GCM1: variants seen among roughly 807,000 people sequenced by gnomAD.
GCM1 encodes the protein chorion-specific transcription factor GCMa.
In GCM1, 2 loss-of-function variants were observed where a neutral mutation model predicts 25.7. The observed-to-expected ratio is 0.08, with a 90% CI of 0.03 to 0.24. The LOEUF (loss-of-function observed/expected upper bound fraction) is 0.24. Among genes scored for constraint, GCM1 ranks in the 10% least tolerant of loss-of-function variants. The pLI is 1.00. For synonymous variants in GCM1, 183 were observed against 195.7 expected, an observed-to-expected ratio of 0.94 and a Z score of 0.54; for missense variants, 395 against 538.7, an observed-to-expected ratio of 0.73 and a Z score of 2.64.
chr6:53,138,278 CAA>C (rs566559211), intron 2 of GCM1, among the ~76,000 whole-genome samples: 1,102 of 89,196 alleles, frequency 0.012, 9 homozygotes, highest in Middle Eastern at 0.02. Flanking sequence ...TGCTTTGTCT[CAA>C]AAAAAAAAAA....
Position 53,145,675 on chromosome 6 carries a change from C to T in GCM1, c.-43G>A, listed in dbSNP as rs1272753542. On this transcript the variant is annotated 5_prime_UTR_variant, in exon 2 of 6. Transcript: ENST00000259803. The stretch of plus-strand genomic sequence containing the variant: ...CAAGGTTTTCACCTATTCGACTCCC[C>T]TCAGAAATGCTTGAGAATTTTGTTC... 9.3e-7 allele frequency: 1 copy of T among 1,071,668 alleles called. No homozygotes were observed. The highest frequency in any genetic ancestry group is 1.4e-6 in the Non-Finnish European group (1 of 691,262). 66.4% of individuals were successfully genotyped at this position (1,071,668 alleles called of 1,614,324 possible).
rs931853510 is a variant in GCM1, at chr6:53,127,307, T to G, written c.*899A>C. ...TTAACATTGCTGTTCTTTGTCTTTATGAAAAATGGGGTTAGGTCAGGTTCC... is the reference window on the plus strand; with the variant it reads ...TTAACATTGCTGTTCTTTGTCTTTAGGAAAAATGGGGTTAGGTCAGGTTCC... On this transcript the variant is annotated 3_prime_UTR_variant, in exon 6 of 6. Transcript: ENST00000259803. 1.3e-4 allele frequency: 20 copies of G among 152,318 alleles called. No individual in the cohort carries two copies. Among genetic ancestry groups the G allele is most frequent in the African/African-American group, 4.1e-4 (17 of 41,570 alleles). 9.4% of individuals were successfully genotyped at this position (152,318 alleles called of 1,614,324 possible).
chr6:53,130,731 A>G, intron 5 of GCM1, 72 bp downstream of exon 5: 1 of 1,342,118 alleles, frequency 7.5e-7, no homozygotes, highest in Non-Finnish European at 1.0e-6. Context: ...CAAGGGACCC[A>G]GGAAATCTAC....
intron 2 of GCM1, among the ~76,000 whole-genome samples, chr6:53,134,876 T>C (rs1335011191): frequency 1.3e-5 from 2 of 152,188 alleles, no homozygotes; most frequent in Non-Finnish European, 2.9e-5. Flanking sequence ...TCTGTGGTTA[T>C]CTTACTGGGA....
chr6:53,139,863 A>AAAAT (rs747849815), intron 2 of GCM1, among the ~76,000 whole-genome samples: 8 of 152,116 alleles, frequency 5.3e-5, no homozygotes, highest in Non-Finnish European at 1.2e-4. Context: ...TCCGTCTAAA[A>AAAAT]AAATAAATAA....
intron 2 of GCM1, among the ~76,000 whole-genome samples, chr6:53,134,858 C>T (rs1355630347): frequency 1.3e-5 from 2 of 152,136 alleles, no homozygotes; most frequent in Admixed American, 6.6e-5. Flanking sequence ...GATAATGTCT[C>T]GTACCACTCT....
chr6:53,132,550 A>G (rs924373012), intron 3 of GCM1, among the ~76,000 whole-genome samples: 1 of 152,150 alleles, frequency 6.6e-6, no homozygotes, highest in Non-Finnish European at 1.5e-5. Flanking sequence ...CATCTCTACT[A>G]AAAATACAAA....
rs1325320656 is a variant in GCM1 at position 53,134,199 on chromosome 6, G to A, written c.201C>T (p.His67=). ...AGGACTTCTTGAGGATGCGGGAGTT[G>A]TGGTTGTTGGTATTGCGCATGGCCC... ...SSWAMRNTNN[H]NSRILKKSCL... The change falls in exon 3 of 6, where the codon CAC becomes CAT. Residue 67 remains histidine, a synonymous_variant. Coordinates refer to ENST00000259803, the MANE Select transcript of GCM1 (RefSeq NM_003643.4). 2 of 1,614,072 alleles carry A rather than the reference G, an allele frequency of 1.2e-6. No individual in the cohort carries two copies. Among genetic ancestry groups the A allele is most frequent in the South Asian group, 1.1e-5 (1 of 91,076 alleles).
At chr6:53,144,996 A>G (rs1415024482) in intron 2 of GCM1, among the ~76,000 whole-genome samples, 2 of 144,922 alleles carry the variant, frequency 1.4e-5, no homozygotes, top group East Asian at 2.1e-4. Flanking sequence ...GAGAGAGAGA[A>G]AGAAAGAAAA....
rs750477279 is a variant in GCM1 at position 53,134,310 on chromosome 6, G to A, written c.90C>T (p.Thr30=). 20 of 1,613,626 alleles carry A rather than the reference G, an allele frequency of 1.2e-5. No individual in the cohort carries two copies. Among genetic ancestry groups the A allele is most frequent in the Middle Eastern group, 1.7e-4 (1 of 6,060 alleles). ...DVKLPQNVKK[T]DWFQEWPDSY... ...AATCTGGCCACTCCTGGAACCAGTC[G>A]GTTTTTTTCACGTTCTGATAGAAAC... Residue 30 remains threonine, a synonymous_variant, in exon 3 of 6, where the codon ACC becomes ACT. Coordinates refer to ENST00000259803, the MANE Select transcript of GCM1 (RefSeq NM_003643.4).
chr6:53,132,278 C>T (rs749340624), intron 3 of GCM1, among the ~76,000 whole-genome samples, 159 bp from the exon 4 acceptor site: 3 of 152,202 alleles, frequency 2.0e-5, no homozygotes, highest in Admixed American at 6.5e-5. Flanking sequence ...ACCCCTGACC[C>T]TCAGAAGCCT....
Position 53,128,229 on chromosome 6 carries a change from G to C in GCM1, c.1288C>G (p.Leu430Val). Reference protein sequence around the residue: ...GLDHCNNDMLLNLCPLR With the variant: ...GLDHCNNDMLVNLCPLR ...GGTCATCTCAAAGGACACAGGTTCA[G>C]AAGCATATCATTGTTGCAGTGATCC... The change falls in exon 6 of 6, where the codon CTG (leucine) becomes GTG (valine). Residue 430 changes from leucine to valine, a missense_variant. This residue lies in a region of GCM1 where 291 missense variants were observed against 314.6 expected (regional missense o/e 0.92). Transcript: ENST00000259803. 6.2e-7 allele frequency: 1 copy of C among 1,609,172 alleles called. No individual in the cohort carries two copies. Among genetic ancestry groups the C allele is most frequent in the Middle Eastern group, 1.7e-4 (1 of 6,056 alleles).
At chr6:53,142,406 A>G (rs191327619) in intron 2 of GCM1, among the ~76,000 whole-genome samples, 61 of 152,364 alleles carry the variant, frequency 4.0e-4, no homozygotes, top group African/African-American at 1.4e-3. Context: ...AGAGCCACCA[A>G]TGCACAGGAT....
intron 4 of GCM1, among the ~76,000 whole-genome samples, chr6:53,131,366 C>G (rs1453150038): frequency 6.6e-6 from 1 of 152,188 alleles, no homozygotes; most frequent in African/African-American, 2.4e-5. Context: ...CTACCTGGAG[C>G]TGGCCAAAGC....
intron 5 of GCM1, 70 bp downstream of exon 5, chr6:53,130,733 G>C: frequency 7.3e-7 from 1 of 1,365,946 alleles, no homozygotes. Flanking sequence ...AGGGACCCAG[G>C]AAATCTACCG....
In GCM1 at chr6:53,128,690, C is replaced by G. The variant is rs373759594; in HGVS notation, c.827G>C (p.Ser276Thr). ...GGCAGAAGGAGGAAGCAGGTCTCCA[C>G]TACTGTAGGTTCTGCTACTGGACAA... Reference protein sequence around the residue: ...RKLSSSRTYSSGDLLPPSASG... With the variant: ...RKLSSSRTYSTGDLLPPSASG... The change falls in exon 6 of 6, where the codon AGT (serine) becomes ACT (threonine). Residue 276 changes from serine (S) to threonine (T), a missense_variant. Ser to Thr is a moderately conservative substitution (Grantham distance 58). Coordinates refer to ENST00000259803, the MANE Select transcript of GCM1 (RefSeq NM_003643.4). 7.9e-5 allele frequency: 128 copies of G among 1,613,994 alleles called. No homozygotes were observed. The highest frequency in any genetic ancestry group is 5.8e-4 in the Admixed American group (35 of 60,010).
intron 2 of GCM1, among the ~76,000 whole-genome samples, chr6:53,134,859 G>T (rs1340395761): frequency 6.6e-6 from 1 of 152,106 alleles, no homozygotes; most frequent in Non-Finnish European, 1.5e-5. Flanking sequence ...ATAATGTCTC[G>T]TACCACTCTG....
chr6:53,148,407 A>G (rs567229345), intron 1 of GCM1, among the ~76,000 whole-genome samples: 13 of 152,328 alleles, frequency 8.5e-5, no homozygotes, highest in African/African-American at 3.1e-4. Context: ...TAATAAAGAA[A>G]ATTTTATTAC....
In GCM1 at chr6:53,146,516, G is replaced by A. The variant is rs992712663; in HGVS notation, c.-136-748C>T. 4.0e-5 allele frequency among the ~76,000 whole-genome samples: 6 copies of A among 151,810 alleles called. No homozygotes were observed. The South Asian group carries it at 6.2e-4, about 16-fold the overall frequency. On this transcript the variant is annotated intron_variant, in intron 1 of 5. Transcript: ENST00000259803. ...ATTACAGGCGTGAGCCACCGCACCC[G>A]GCCAGAAAAAAAATATATTTGAAAA...
Sources: gnomAD v4.1 joint callset for allele counts (sites outside exome capture counted in the v4.1 genomes callset) on GRCh38, gnomAD v4.1.1 for gene constraint, gnomAD v4.1.1 regional missense constraint, MANE v1.5 for transcripts, NCBI Gene and HGNC (gene_info 2026-07-23, HGNC 2026-07-21) for gene names.